Variants in IGSF21 observed in about 807,000 individuals in gnomAD.
The protein encoded by IGSF21 is immunoglobulin superfamily member 21.
IGSF21 carries 28 observed loss-of-function variants against 46.8 expected under a neutral mutation model. The observed-to-expected ratio is 0.60, with a 90% CI of 0.44 to 0.82. The LOEUF is 0.82. IGSF21 is among the 40% of genes least tolerant of loss of function. IGSF21 has a pLI of 0.00. For missense variants in IGSF21, 624 were observed against 665.5 expected, an observed-to-expected ratio of 0.94 and a Z score of 0.69; for synonymous variants, 284 against 273.6, an observed-to-expected ratio of 1.04 and a Z score of -0.38.
intron 4 of IGSF21, among the ~76,000 whole-genome samples, chr1:18,345,685 T>C (rs1454430288): frequency 6.6e-6 from 1 of 152,242 alleles, no homozygotes; most frequent in Non-Finnish European, 1.5e-5. Flanking sequence ...CACCCGGCTA[T>C]GGTTAATGTT....
intron 1 of IGSF21, among the ~76,000 whole-genome samples, chr1:18,177,397 G>A (rs985353475): frequency 2.5e-4 from 8 of 32,482 alleles, no homozygotes; most frequent in South Asian, 1.0e-3. Context: ...AGTGAGGTGT[G>A]TGTGTGTGTG....
chr1:18,207,276 T>C (rs1439072495), intron 1 of IGSF21, among the ~76,000 whole-genome samples: 2 of 152,200 alleles, frequency 1.3e-5, no homozygotes, highest in Non-Finnish European at 1.5e-5. Flanking sequence ...TAAGGGCTCA[T>C]GTGATGAGAG....
intron 1 of IGSF21, among the ~76,000 whole-genome samples, chr1:18,127,969 A>G (rs1250536634): frequency 1.3e-5 from 2 of 152,124 alleles, no homozygotes; most frequent in Non-Finnish European, 2.9e-5. Context: ...ATCCATAACT[A>G]TTTAATTCAC....
At chr1:18,370,985 A>T (rs1216879591) in intron 6 of IGSF21, among the ~76,000 whole-genome samples, 6 of 152,240 alleles carry the variant, frequency 3.9e-5, no homozygotes. Flanking sequence ...TGCAGAATAA[A>T]ATGGTACTAC....
At chr1:18,349,904 A>C (rs917003585) in intron 4 of IGSF21, among the ~76,000 whole-genome samples, 1 of 151,972 alleles carries the variant, frequency 6.6e-6, no homozygotes, top group African/African-American at 2.4e-5. Context: ...TAAAAAAAAA[A>C]CCACTAAATT....
In IGSF21 at chr1:18,304,521, C is replaced by T. The variant is rs189699341; in HGVS notation, c.305+12534C>T. 1.0e-3 allele frequency among the ~76,000 whole-genome samples: 154 copies of T among 152,314 alleles called. 1 individual carries two copies. Among genetic ancestry groups the T allele is most frequent in the African/African-American group, 3.6e-3 (150 of 41,572 alleles). On this transcript the variant is annotated intron_variant, in intron 3 of 9. Coordinates refer to ENST00000251296, the MANE Select transcript of IGSF21 (RefSeq NM_032880.5). ...TGTGGATGACTTCCGTAAGGTCACA[C>T]AGCAAGCCAGCCGCAGAATCAAAAG...
intron 2 of IGSF21, among the ~76,000 whole-genome samples, chr1:18,251,968 A>C (rs1042221046): frequency 4.6e-5 from 7 of 151,690 alleles, no homozygotes; most frequent in Non-Finnish European, 8.8e-5. Flanking sequence ...TTTCTTTACA[A>C]GATGAAGTCA....
chr1:18,319,260 C>G (rs748329947), intron 3 of IGSF21, among the ~76,000 whole-genome samples: 4 of 152,158 alleles, frequency 2.6e-5, no homozygotes, highest in Non-Finnish European at 5.9e-5. Flanking sequence ...TACATTCCAG[C>G]TAGGAGGAAG....
intron 4 of IGSF21, among the ~76,000 whole-genome samples, chr1:18,342,039 T>C (rs2085846827): frequency 7.3e-6 from 1 of 137,772 alleles, no homozygotes; most frequent in African/African-American, 2.7e-5. Flanking sequence ...TAAGTGTGCC[T>C]GGTGCATTTT....
At chr1:18,235,999 G>A (rs890379146) in intron 2 of IGSF21, among the ~76,000 whole-genome samples, 5 of 152,062 alleles carry the variant, frequency 3.3e-5, no homozygotes, top group Admixed American at 3.3e-4. Flanking sequence ...GATGAGAGAA[G>A]GGGGGATTCA....
intron 2 of IGSF21, among the ~76,000 whole-genome samples, chr1:18,281,586 T>C (rs1010004318): frequency 1.5e-5 from 2 of 136,910 alleles, no homozygotes; most frequent in Non-Finnish European, 3.1e-5. Flanking sequence ...AAAAAAAGAG[T>C]GGCTGTCATG....
rs144824716 is a variant in IGSF21 at position 18,362,168 on chromosome 1, C to G, written c.478C>G (p.Arg160Gly). 1 of 1,613,272 alleles carries G rather than the reference C, an allele frequency of 6.2e-7. No homozygotes were observed. The highest frequency in any genetic ancestry group is 1.7e-5 in the Admixed American group (1 of 59,948). Reference protein sequence around the residue: ...VAADTPAPFSRYQAQNFTLVC... With the variant: ...VAADTPAPFSGYQAQNFTLVC... ...TGCTGACACACCAGCCCCCTTCAGC[C>G]GCTACCAAGCCCAGAACTTCACGCT... The change falls in exon 5 of 10, where the codon CGC becomes GGC. Residue 160 changes from arginine to glycine, a missense_variant. Physicochemically the swap from Arg to Gly is moderately radical, Grantham distance 125. Coordinates refer to ENST00000251296, the MANE Select transcript of IGSF21 (RefSeq NM_032880.5).
chr1:18,273,602 A>T (rs1282548106), intron 2 of IGSF21, among the ~76,000 whole-genome samples: 8 of 150,254 alleles, frequency 5.3e-5, no homozygotes, highest in Admixed American at 4.6e-4. Context: ...ACACAACCAG[A>T]TCTATAATGA....
intron 2 of IGSF21, among the ~76,000 whole-genome samples, chr1:18,260,048 C>T (rs755490873): frequency 3.3e-5 from 5 of 152,210 alleles, no homozygotes; most frequent in South Asian, 2.1e-4. Flanking sequence ...TCCCCCTCAT[C>T]GTTTGGAGAG....
At chr1:18,224,582 A>G (rs1314033909) in intron 1 of IGSF21, among the ~76,000 whole-genome samples, 1 of 152,138 alleles carries the variant, frequency 6.6e-6, no homozygotes, top group Non-Finnish European at 1.5e-5. Context: ...GGACGTGTCT[A>G]TTGTTACTGA....
chr1:18,239,018 C>T (rs952193777), intron 2 of IGSF21, among the ~76,000 whole-genome samples: 1 of 152,202 alleles, frequency 6.6e-6, no homozygotes, highest in African/African-American at 2.4e-5. Context: ...CAGGTCAGGG[C>T]ACCCCCCAGC....
At chr1:18,327,220 G>A (rs2085666296) in intron 3 of IGSF21, among the ~76,000 whole-genome samples, 1 of 152,292 alleles carries the variant, frequency 6.6e-6, no homozygotes, top group South Asian at 2.1e-4. Context: ...ATAGGTTGGC[G>A]GGGAGGGGCA....
chr1:18,164,496 G>A (rs559692499), intron 1 of IGSF21, among the ~76,000 whole-genome samples: 6 of 151,704 alleles, frequency 4.0e-5, no homozygotes, highest in Admixed American at 3.3e-4. Context: ...TACAATTTAC[G>A]CTCCCCCCAG....
At chr1:18,150,627 A>T (rs12404926) in intron 1 of IGSF21, among the ~76,000 whole-genome samples, 59,251 of 151,988 alleles carry the variant, frequency 0.39, 11,990 homozygotes, top group East Asian at 0.58. Flanking sequence ...CAGGGCCAGG[A>T]AGTCCACATA....
Sources: allele counts gnomAD v4.1 joint callset (sites outside exome capture counted in the v4.1 genomes callset), GRCh38; gene constraint gnomAD v4.1.1; transcripts MANE v1.5; gene names NCBI Gene and HGNC (gene_info 2026-07-23, HGNC 2026-07-21).